Variants in GAB2 observed in about 807,000 individuals in gnomAD.
The protein encoded by GAB2 is GRB2 associated binding protein 2, also known as GRB2-associated-binding protein 2.
A neutral mutation model predicts 65.5 loss-of-function variants in GAB2; 26 were observed. That is an observed-to-expected ratio of 0.40 (90% CI 0.29 to 0.55). GAB2 has a LOEUF of 0.55. Among genes scored for constraint, GAB2 ranks in the 20% least tolerant of loss-of-function variants. The pLI, the probability that GAB2 is intolerant of heterozygous loss-of-function variation, is 0.53. For missense variants in GAB2, 884 were observed against 875.8 expected (o/e 1.01, Z -0.12); for synonymous variants, 321 against 329.6 (o/e 0.97, Z 0.28).
intron 3 of GAB2, among the ~76,000 whole-genome samples, chr11:78,248,181 C>T (rs1008123634): frequency 2.6e-5 from 4 of 152,094 alleles, no homozygotes; most frequent in Non-Finnish European, 5.9e-5. Flanking sequence ...TGTGGCAATT[C>T]AGAGAAAAAG....
intron 1 of GAB2, among the ~76,000 whole-genome samples, chr11:78,352,099 G>C (rs1856287417): frequency 1.3e-5 from 2 of 152,168 alleles, no homozygotes; most frequent in Admixed American, 6.5e-5. Context: ...TTTAATCCCA[G>C]ATACTTGGGA....
chr11:78,328,062 G>C (rs1278792221), intron 1 of GAB2, among the ~76,000 whole-genome samples: 1 of 152,138 alleles, frequency 6.6e-6, no homozygotes, highest in Admixed American at 6.5e-5. Context: ...TCATTTGCTT[G>C]TGCAGATGAG....
At chr11:78,319,303 G>GTAT (rs1223782317) in intron 1 of GAB2, among the ~76,000 whole-genome samples, 1 of 152,152 alleles carries the variant, frequency 6.6e-6, no homozygotes, top group African/African-American at 2.4e-5. Context: ...CTATTTGTTA[G>GTAT]TATTATGTGT....
chr11:78,317,818 C>A (rs1855641252), intron 1 of GAB2, among the ~76,000 whole-genome samples: 1 of 152,052 alleles, frequency 6.6e-6, no homozygotes, highest in African/African-American at 2.4e-5. Flanking sequence ...AGGGTGAATT[C>A]TTTTCTTTTC....
chr11:78,395,946 C>T (rs952146071), intron 1 of GAB2, among the ~76,000 whole-genome samples: 2 of 152,178 alleles, frequency 1.3e-5, no homozygotes, highest in African/African-American at 4.8e-5. Flanking sequence ...AGCCAGTACA[C>T]ATTTCTTTTT....
chr11:78,289,628 T>C (rs1866595028), intron 1 of GAB2, among the ~76,000 whole-genome samples: 1 of 152,074 alleles, frequency 6.6e-6, no homozygotes. Flanking sequence ...GAAGATTTTT[T>C]TGTAAGCACC....
chr11:78,237,205 A>T (rs1865005616), intron 3 of GAB2, among the ~76,000 whole-genome samples: 1 of 152,246 alleles, frequency 6.6e-6, no homozygotes, highest in African/African-American at 2.4e-5. Context: ...AAATAAAAAC[A>T]AATGTTTCTA....
intron 1 of GAB2, among the ~76,000 whole-genome samples, chr11:78,413,640 T>G (rs1160121910): frequency 6.6e-6 from 1 of 151,722 alleles, no homozygotes; most frequent in East Asian, 1.9e-4. Context: ...TGAAAAAAAG[T>G]AGGTAGTACA....
intron 2 of GAB2, among the ~76,000 whole-genome samples, chr11:78,269,540 G>T (rs957338033): frequency 6.6e-6 from 1 of 152,136 alleles, no homozygotes; most frequent in Non-Finnish European, 1.5e-5. Flanking sequence ...GACTTTTAAG[G>T]CACCAGTCAT....
chr11:78,409,452 C>T (rs931030145), intron 1 of GAB2, among the ~76,000 whole-genome samples: 17 of 152,038 alleles, frequency 1.1e-4, no homozygotes, highest in African/African-American at 2.2e-4. Context: ...GGTGTGGTGG[C>T]GCATGCCTGT....
At chr11:78,307,604 TAGAG>T (rs59402607) in intron 1 of GAB2, among the ~76,000 whole-genome samples, 1,228 of 121,908 alleles carry the variant, frequency 0.01, 19 homozygotes, top group Middle Eastern at 0.02. Flanking sequence ...CAAAAAATGT[TAGAG>T]AGAGAGAGAG....
chr11:78,276,927 C>T (rs1164568030), intron 2 of GAB2, among the ~76,000 whole-genome samples: 1 of 152,214 alleles, frequency 6.6e-6, no homozygotes, highest in Non-Finnish European at 1.5e-5. Context: ...ACGCCATTCT[C>T]CTGCCTCAGC....
rs1404499214 is a variant in GAB2 at position 78,280,703 on chromosome 11, C to T, written c.274G>A (p.Glu92Lys). 1.9e-6 allele frequency: 3 copies of T among 1,613,964 alleles called. No individual in the cohort carries two copies. Among genetic ancestry groups the T allele is most frequent in the Non-Finnish European group, 2.5e-6 (3 of 1,179,854 alleles). Residue 92 changes from glutamate to lysine, a missense_variant, in exon 2 of 10, where the codon GAA becomes AAA. Physicochemically the swap from Glu to Lys is moderately conservative, Grantham distance 56. Transcript: ENST00000361507. Reference protein sequence around the residue: ...DSFVFDIKTSERTFYLVAETE... With the variant: ...DSFVFDIKTSKRTFYLVAETE... ...TCAGCCACCAGGTAAAAGGTGCGTTCACTGGTCTTGATGTCAAACACAAAA... is the reference window on the plus strand; with the variant it reads ...TCAGCCACCAGGTAAAAGGTGCGTTTACTGGTCTTGATGTCAAACACAAAA...
Position 78,225,018 on chromosome 11 carries a change from A to T in GAB2, c.1302+90T>A, listed in dbSNP as rs1385601. ...GGGTCCTAAGATGGAGACGCCATCA[A>T]TCTTTTGGGGTTGTGCTTTTAATTC... On this transcript the variant is annotated intron_variant, in intron 5 of 9. Transcript: ENST00000361507. 1.1e-5 allele frequency: 9 copies of T among 784,222 alleles called. No individual in the cohort carries two copies. In the Middle Eastern group the frequency reaches 1.6e-3, roughly 138 times the overall value. The allele number at this position is 784,222 out of a possible 1,614,324, so 48.6% of individuals were successfully genotyped here. A position where few individuals can be genotyped will look rare whatever the true frequency, so the allele number is the denominator to read the frequency against.
chr11:78,413,813 G>A (rs559746341), intron 1 of GAB2, among the ~76,000 whole-genome samples: 1 of 152,240 alleles, frequency 6.6e-6, no homozygotes, highest in East Asian at 1.9e-4. Flanking sequence ...GGCTGGGCGC[G>A]GTGGCTCATG....
intron 3 of GAB2, among the ~76,000 whole-genome samples, chr11:78,248,596 G>T (rs1865359613): frequency 6.6e-6 from 1 of 152,214 alleles, no homozygotes; most frequent in South Asian, 2.1e-4. Flanking sequence ...CTATGTAGTA[G>T]AAGAGGATGG....
chr11:78,339,672 T>A (rs1277000321), intron 1 of GAB2, among the ~76,000 whole-genome samples: 1 of 152,170 alleles, frequency 6.6e-6, no homozygotes, highest in African/African-American at 2.4e-5. Flanking sequence ...TTGACTGTCA[T>A]GGAAAGTGTA....
At chr11:78,230,511 T>A (rs1462046263) in intron 3 of GAB2, among the ~76,000 whole-genome samples, 1 of 152,284 alleles carries the variant, frequency 6.6e-6, no homozygotes, top group Non-Finnish European at 1.5e-5. Context: ...CACAGCACTC[T>A]GTGCTTCCAT....
intron 2 of GAB2, among the ~76,000 whole-genome samples, chr11:78,266,084 G>A (rs140317914): frequency 0.013 from 2,002 of 151,734 alleles, 21 homozygotes; most frequent in Non-Finnish European, 0.022. Flanking sequence ...GTGTGGTGGC[G>A]CATGCTTGTA....
Sources: allele counts gnomAD v4.1 joint callset (sites outside exome capture counted in the v4.1 genomes callset), GRCh38; gene constraint gnomAD v4.1.1; transcripts MANE v1.5; gene names NCBI Gene and HGNC (gene_info 2026-07-23, HGNC 2026-07-21).